NFU1: variants seen among roughly 807,000 people sequenced by gnomAD.
The protein encoded by NFU1 is NFU1 iron-sulfur cluster scaffold homolog, mitochondrial.
A neutral mutation model predicts 32.2 loss-of-function variants in NFU1; 30 were observed. That is an observed-to-expected ratio of 0.93 (90% CI 0.70 to 1.26). The LOEUF is 1.26. Ranked by LOEUF, NFU1 falls within the 50% of genes most tolerant of loss-of-function variation. NFU1 has a pLI of 0.00. For synonymous variants in NFU1, 112 were observed against 104.6 expected, an observed-to-expected ratio of 1.07 and a Z score of -0.43; for missense variants, 306 against 306.6, an observed-to-expected ratio of 1.00 and a Z score of 0.02.
intron 5 of NFU1, among the ~76,000 whole-genome samples, chr2:69,412,593 G>A (rs1016212567): frequency 2.0e-5 from 3 of 151,932 alleles, no homozygotes; most frequent in African/African-American, 7.3e-5. Flanking sequence ...CACCATGTTG[G>A]TCAGGCTGGT....
rs528536802 is a variant in NFU1, at chr2:69,425,450, G to A, written c.167-1733C>T. On this transcript the variant is annotated intron_variant, in intron 2 of 7. Transcript: ENST00000410022. ...GCTCACTGCAACCTCTGCCCCCTAA[G>A]TTCAAGTGATTCTCCTGCCTCAGCC... is the stretch of plus-strand genomic sequence containing the variant. Among the ~76,000 whole-genome samples the A allele has an allele frequency of 1.5e-4, 23 of 151,274 alleles. No homozygotes were observed. In the East Asian group the frequency reaches 3.9e-3, roughly 26 times the overall value.
rs1672541711 is a variant in NFU1 at position 69,402,098 on chromosome 2, T to C, written c.546-1560A>G. Among the ~76,000 whole-genome samples, 5 of 152,298 alleles carry C rather than the reference T, an allele frequency of 3.3e-5. No individual in the cohort carries two copies. The South Asian group carries it at 1.0e-3, about 32-fold the overall frequency. On this transcript the variant is annotated intron_variant, in intron 6 of 7. Coordinates refer to ENST00000410022, the MANE Select transcript of NFU1 (RefSeq NM_001002755.4). ...TTAGTAGAGACCATGTTTCACCATG[T>C]TGGCCAAGCTGATCTTGAACTCCTG...
intron 5 of NFU1, among the ~76,000 whole-genome samples, chr2:69,412,197 C>T (rs58794644): frequency 0.022 from 3,408 of 151,556 alleles, 134 homozygotes; most frequent in African/African-American, 0.077. Flanking sequence ...ACTACAGGCA[C>T]GTGCCACCAT....
chr2:69,434,833 A>G (rs926034363), intron 1 of NFU1, among the ~76,000 whole-genome samples: 1 of 152,128 alleles, frequency 6.6e-6, no homozygotes, highest in Non-Finnish European at 1.5e-5. Context: ...GTCTCTCTGG[A>G]TCTGAGGCTA....
intron 1 of NFU1, among the ~76,000 whole-genome samples, chr2:69,433,274 G>A (rs180698292): frequency 3.2e-4 from 49 of 151,996 alleles, no homozygotes; most frequent in Non-Finnish European, 6.2e-4. Flanking sequence ...CATCTCCCAG[G>A]TGCCAGCAAT....
Position 69,424,201 on chromosome 2 carries a change from ATAT to A in NFU1, c.167-487_167-485del, listed in dbSNP as rs1673375818. 1.8e-3 allele frequency among the ~76,000 whole-genome samples: 152 copies of A among 82,168 alleles called. 1 individual carries two copies. The highest frequency in any genetic ancestry group is 4.0e-3 in the Non-Finnish European group (137 of 34,332). 53.9% of individuals were successfully genotyped at this position (82,168 alleles called of 152,430 possible). Reference sequence around the variant, plus strand: ...AAAAAAAAAAAAAAAAAAAAAAAATATATATATATATATATATATCTCAATATA... The same window carrying A: ...AAAAAAAAAAAAAAAAAAAAAAAATAATATATATATATATATCTCAATATA... On this transcript the variant is annotated intron_variant, in intron 2 of 7. Transcript: ENST00000410022.
chr2:69,418,477 TC>T (rs1673131985), intron 4 of NFU1, among the ~76,000 whole-genome samples: 1 of 152,028 alleles, frequency 6.6e-6, no homozygotes, highest in Non-Finnish European at 1.5e-5. Flanking sequence ...CCCCTTTTTT[TC>T]TTTTTTGAGA....
At chr2:69,438,492 T>C (rs991119418), upstream of NFU1, among the ~76,000 whole-genome samples, 1 of 152,156 alleles carries the variant, frequency 6.6e-6, no homozygotes, top group Non-Finnish European at 1.5e-5. Context: ...GCTCTTGAAC[T>C]CTGCTGGCCT....
intron 2 of NFU1, among the ~76,000 whole-genome samples, chr2:69,426,980 A>C (rs1673476212): frequency 1.3e-5 from 2 of 151,258 alleles, no homozygotes; most frequent in Admixed American, 1.3e-4. Context: ...GAGGCAGGAG[A>C]ATCGATTGAA....
chr2:69,429,738 A>T (rs1276585710), intron 2 of NFU1, among the ~76,000 whole-genome samples: 1 of 151,508 alleles, frequency 6.6e-6, no homozygotes, highest in Non-Finnish European at 1.5e-5. Flanking sequence ...TTACTAAAAA[A>T]CTAATTCAGG....
intron 5 of NFU1, among the ~76,000 whole-genome samples, chr2:69,411,466 G>A (rs1307596458): frequency 1.3e-5 from 2 of 152,100 alleles, no homozygotes; most frequent in Non-Finnish European, 2.9e-5. Flanking sequence ...AAAATTTTCT[G>A]TATGACAAAA....
At chr2:69,414,652 A>T (rs1203071142) in intron 5 of NFU1, among the ~76,000 whole-genome samples, 1 of 151,400 alleles carries the variant, frequency 6.6e-6, no homozygotes, top group Non-Finnish European at 1.5e-5. Context: ...ACAGAGATTT[A>T]AAACTTAAAA....
chr2:69,437,545 C>T (rs1330220755), upstream of NFU1: 9 of 1,261,428 alleles, frequency 7.1e-6, no homozygotes, highest in South Asian at 7.7e-5. Flanking sequence ...GGCGGTCCTG[C>T]TGCGGATAAG....
intron 7 of NFU1, among the ~76,000 whole-genome samples, chr2:69,396,734 G>A (rs114489977): frequency 0.012 from 1,785 of 152,250 alleles, 33 homozygotes; most frequent in African/African-American, 0.041. Context: ...TTGTCTCAAA[G>A]AGGCTACCCA....
chr2:69,422,496 A>C (rs931906369), intron 3 of NFU1, among the ~76,000 whole-genome samples: 3 of 152,172 alleles, frequency 2.0e-5, no homozygotes, highest in Non-Finnish European at 4.4e-5. Context: ...TTCCATCTTG[A>C]AAGAACTACA....
At chr2:69,431,258 A>G (rs1673629942) in intron 2 of NFU1, among the ~76,000 whole-genome samples, 1 of 152,202 alleles carries the variant, frequency 6.6e-6, no homozygotes, top group Non-Finnish European at 1.5e-5. Context: ...ATCCAAAAAA[A>G]GGACAGCAGT....
At chr2:69,429,342 T>A (rs1673563156) in intron 2 of NFU1, among the ~76,000 whole-genome samples, 1 of 151,988 alleles carries the variant, frequency 6.6e-6, no homozygotes, top group African/African-American at 2.4e-5. Flanking sequence ...GGCAGGAGGA[T>A]CACTTGAGGG....
intron 5 of NFU1, among the ~76,000 whole-genome samples, chr2:69,410,445 C>T (rs777145630): frequency 4.6e-5 from 7 of 152,124 alleles, no homozygotes; most frequent in African/African-American, 1.4e-4. Context: ...AGAGCATGAA[C>T]GCTGGAGGCA....
rs1673173873 is a variant in NFU1 at position 69,419,574 on chromosome 2, A to G, written c.333T>C (p.Ser111=). The G allele has an allele frequency of 6.3e-7, 1 of 1,592,424 alleles. No individual in the cohort carries two copies. Among genetic ancestry groups the G allele is most frequent in the East Asian group, 2.2e-5 (1 of 44,732 alleles). The change falls in exon 4 of 8, where the codon AGT becomes AGC. Residue 111 remains serine, a synonymous_variant. Coordinates refer to ENST00000410022, the MANE Select transcript of NFU1 (RefSeq NM_001002755.4). ...TGATGAAATCTGGTCCAAAGAAGACACTTTTTACTCCTTCAATCCTAAATA... is the reference window on the plus strand; with the variant it reads ...TGATGAAATCTGGTCCAAAGAAGACGCTTTTTACTCCTTCAATCCTAAATA... ...RQLFRIEGVK[S]VFFGPDFITV... is the part of the protein sequence containing the mutation.
Sources: allele counts gnomAD v4.1 joint callset (sites outside exome capture counted in the v4.1 genomes callset), GRCh38; gene constraint gnomAD v4.1.1; transcripts MANE v1.5; gene names NCBI Gene and HGNC (gene_info 2026-07-23, HGNC 2026-07-21).